LRRC7: variants seen among roughly 807,000 people sequenced by gnomAD.
LRRC7 encodes the protein leucine-rich repeat-containing protein 7.
A neutral mutation model predicts 175.7 loss-of-function variants in LRRC7; 23 were observed. That is an observed-to-expected ratio of 0.13 (90% CI 0.09 to 0.19). LRRC7 has a LOEUF of 0.19. LRRC7 is among the 10% of genes least tolerant of loss of function. The pLI is 1.00. For synonymous variants in LRRC7, 685 were observed against 680.9 expected, an observed-to-expected ratio of 1.01 and a Z score of -0.09; for missense variants, 1,354 against 1,904.7, an observed-to-expected ratio of 0.71 and a Z score of 5.38.
chr1:69,977,963 G>C (rs547105142), intron 8 of LRRC7, among the ~76,000 whole-genome samples: 1 of 152,134 alleles, frequency 6.6e-6, no homozygotes. Flanking sequence ...ATTCATATGA[G>C]CTTTTGTTGA....
intron 2 of LRRC7, among the ~76,000 whole-genome samples, chr1:69,717,432 G>A (rs1665498743): frequency 6.6e-6 from 1 of 151,506 alleles, no homozygotes; most frequent in South Asian, 2.1e-4. Context: ...TTATACAATT[G>A]GAACCACACA....
rs1416899654 is a variant in LRRC7, at chr1:70,127,831, G to A, written c.*5944G>A. ...CATTCCATGACTCTTATTAGTCTACGGTTGGAACCACTATGTAGTCCTACC... is the reference window on the plus strand; with the variant it reads ...CATTCCATGACTCTTATTAGTCTACAGTTGGAACCACTATGTAGTCCTACC... On this transcript the variant is annotated 3_prime_UTR_variant, in exon 27 of 27. Coordinates refer to ENST00000651989, the MANE Select transcript of LRRC7 (RefSeq NM_001370785.2). 1.3e-5 allele frequency among the ~76,000 whole-genome samples: 2 copies of A among 152,104 alleles called. No homozygotes were observed. Among genetic ancestry groups the A allele is most frequent in the African/African-American group, 4.8e-5 (2 of 41,402 alleles).
intron 1 of LRRC7, among the ~76,000 whole-genome samples, chr1:69,586,617 C>T (rs575465212): frequency 9.8e-4 from 147 of 149,820 alleles, no homozygotes; most frequent in Non-Finnish European, 1.8e-3. Context: ...AAAATTATTC[C>T]AATAACTCTT....
intron 1 of LRRC7, among the ~76,000 whole-genome samples, chr1:69,640,351 A>G (rs1370195502): frequency 1.3e-5 from 2 of 151,760 alleles, no homozygotes; most frequent in Non-Finnish European, 3.0e-5. Context: ...GAGGAAGAAC[A>G]TGTTATAAAC....
intron 1 of LRRC7, among the ~76,000 whole-genome samples, chr1:69,622,664 GT>G (rs1324074975): frequency 6.6e-6 from 1 of 152,280 alleles, no homozygotes; most frequent in East Asian, 1.9e-4. Context: ...GAGGGTGGTG[GT>G]GGTTAGAAGA....
chr1:69,876,342 G>C (rs138267435), intron 7 of LRRC7, among the ~76,000 whole-genome samples: 5 of 152,064 alleles, frequency 3.3e-5, no homozygotes, highest in Non-Finnish European at 4.4e-5. Context: ...TAAAGGGAAG[G>C]CATGTTAGGC....
intron 1 of LRRC7, among the ~76,000 whole-genome samples, chr1:69,578,084 C>T (rs1325760624): frequency 6.6e-6 from 1 of 152,084 alleles, no homozygotes; most frequent in African/African-American, 2.4e-5. Flanking sequence ...TGAACTCAAA[C>T]AAATTCACAA....
intron 1 of LRRC7, among the ~76,000 whole-genome samples, chr1:69,569,126 G>C (rs531698937): frequency 2.4e-4 from 36 of 152,102 alleles, no homozygotes; most frequent in African/African-American, 8.2e-4. Flanking sequence ...TCTTTATCTT[G>C]GAAGGTGTTG....
chr1:70,045,190 A>G (rs2102044752), intron 22 of LRRC7, among the ~76,000 whole-genome samples: 1 of 152,116 alleles, frequency 6.6e-6, no homozygotes, highest in Non-Finnish European at 1.5e-5. Flanking sequence ...AAAAAACACT[A>G]AATTGAAAAC....
intron 8 of LRRC7, among the ~76,000 whole-genome samples, chr1:69,965,509 A>G (rs1161128917): frequency 2.6e-5 from 4 of 152,166 alleles, no homozygotes; most frequent in Non-Finnish European, 4.4e-5. Flanking sequence ...AGTACATTTT[A>G]TCATGAATTG....
In LRRC7 at chr1:69,918,336, G is replaced by GGAAT. The variant is rs141518220; in HGVS notation, c.648-13156_648-13153dup. On this transcript the variant is annotated intron_variant, in intron 7 of 26. Coordinates refer to ENST00000651989, the MANE Select transcript of LRRC7 (RefSeq NM_001370785.2). ...GCCTGCCACAAAGAAGCACGTTATA[G>GGAAT]GAATGAATGAATGAATGATTGCTCA... is the stretch of plus-strand genomic sequence containing the variant. Among the ~76,000 whole-genome samples the GGAAT allele has an allele frequency of 1.0e-3, 153 of 152,232 alleles. 2 individuals carry two copies. In the East Asian group the frequency reaches 0.025, roughly 25 times the overall value.
chr1:69,615,171 T>A (rs1048364710), intron 1 of LRRC7, among the ~76,000 whole-genome samples: 2 of 152,020 alleles, frequency 1.3e-5, no homozygotes, highest in Non-Finnish European at 2.9e-5. Flanking sequence ...ACTCTTAACC[T>A]CCCTCTCCCT....
chr1:69,884,322 G>A lies in LRRC7; in HGVS notation c.647+46039G>A, dbSNP rs1339575107. Among the ~76,000 whole-genome samples, 4 of 92,940 alleles carry A rather than the reference G, an allele frequency of 4.3e-5. 1 individual carries two copies. Among genetic ancestry groups the A allele is most frequent in the African/African-American group, 1.6e-4 (4 of 24,426 alleles). The allele number at this position is 92,940 out of a possible 152,430, so 61.0% of individuals were successfully genotyped here. A position where few individuals can be genotyped will look rare whatever the true frequency, so the allele number is the denominator to read the frequency against. On this transcript the variant is annotated intron_variant, in intron 7 of 26. Transcript: ENST00000651989. ...GTGGTTTGTAGTTCTCCTTGAAGAG[G>A]TCCTTCACATCCCTTGTAAGTTGGA...
At chr1:69,716,412 G>T (rs879303051) in intron 2 of LRRC7, among the ~76,000 whole-genome samples, 1 of 151,756 alleles carries the variant, frequency 6.6e-6, no homozygotes, top group East Asian at 1.9e-4. Flanking sequence ...CTCATTTTCT[G>T]TCAGTAATAA....
intron 4 of LRRC7, among the ~76,000 whole-genome samples, chr1:69,802,394 C>T (rs1382465560): frequency 6.6e-6 from 1 of 151,356 alleles, no homozygotes; most frequent in Non-Finnish European, 1.5e-5. Context: ...AATCTGGGCG[C>T]TCCAGTGGTG....
intron 4 of LRRC7, among the ~76,000 whole-genome samples, chr1:69,817,450 C>CT (rs1363334194): frequency 6.6e-6 from 1 of 151,836 alleles, no homozygotes; most frequent in Non-Finnish European, 1.5e-5. Context: ...ATATATGTGG[C>CT]TTTTTTTCTG....
At chr1:69,674,374 C>T (rs1376221428) in intron 1 of LRRC7, among the ~76,000 whole-genome samples, 1 of 152,032 alleles carries the variant, frequency 6.6e-6, no homozygotes, top group Non-Finnish European at 1.5e-5. Flanking sequence ...CATATCTGGG[C>T]TTAATTTCTT....
rs1264312347 is a variant in LRRC7, at chr1:70,078,815, C to T, written c.4452+2517C>T. ...ATACGCGCGCGCGCGCGCGCGCACA[C>T]ACACACACGCACACACACACACACA... On this transcript the variant is annotated intron_variant, in intron 24 of 26. Transcript: ENST00000651989. Among the ~76,000 whole-genome samples the T allele has an allele frequency of 3.2e-4, 38 of 117,628 alleles. No individual in the cohort carries two copies. In the East Asian group the frequency reaches 5.6e-3, roughly 17 times the overall value. The allele number at this position is 117,628 out of a possible 152,430, so 77.2% of individuals were successfully genotyped here.
At position 70,075,695 on chromosome 1, in the gene LRRC7, A is replaced by G. The variant is rs1311216168; in HGVS notation, c.4231-382A>G. On this transcript the variant is annotated intron_variant, in intron 23 of 26. Transcript: ENST00000651989. ...TCCATCATTTTCCCCATGGTGTTAC[A>G]TATATTAACATCTCTCTGTAACTCT... Among the ~76,000 whole-genome samples, 3 of 152,342 alleles carry G rather than the reference A, an allele frequency of 2.0e-5. No individual in the cohort carries two copies. In the East Asian group the frequency reaches 5.8e-4, roughly 29 times the overall value.
Sources: allele counts gnomAD v4.1 joint callset (sites outside exome capture counted in the v4.1 genomes callset), GRCh38; gene constraint gnomAD v4.1.1; transcripts MANE v1.5; gene names NCBI Gene and HGNC (gene_info 2026-07-23, HGNC 2026-07-21).